NRXN3: variants seen among roughly 807,000 people sequenced by gnomAD.
NRXN3 encodes the protein neurexin III.
NRXN3 carries 32 observed loss-of-function variants against 137.6 expected under a neutral mutation model. The ratio of observed to expected loss-of-function variants is 0.23; its 90% CI spans 0.18 to 0.31. The LOEUF is 0.31. NRXN3 is among the 10% of genes least tolerant of loss of function. NRXN3 has a pLI of 1.00. For missense variants in NRXN3, 1,574 were observed against 2,062.5 expected (o/e 0.76, Z 4.59); for synonymous variants, 798 against 784.5 (o/e 1.02, Z -0.29).
intron 16 of NRXN3, among the ~76,000 whole-genome samples, chr14:79,563,592 C>T (rs887278094): frequency 1.3e-5 from 2 of 150,804 alleles, no homozygotes; most frequent in African/African-American, 4.9e-5. Flanking sequence ...CGTTACAGTG[C>T]ACTGTGTCAA....
At chr14:79,741,171 A>G (rs2098961872) in intron 19 of NRXN3, among the ~76,000 whole-genome samples, 1 of 152,114 alleles carries the variant, frequency 6.6e-6, no homozygotes, top group Non-Finnish European at 1.5e-5. Context: ...CCTGAGGCAA[A>G]TCATTTATCC....
chr14:78,190,541 A>G (rs1376374229), intron 1 of NRXN3, among the ~76,000 whole-genome samples: 3 of 152,234 alleles, frequency 2.0e-5, no homozygotes, highest in Admixed American at 6.5e-5. Context: ...CAGAATGACA[A>G]TGACAACCAG....
At chr14:79,320,851 T>C (rs2089882551) in intron 15 of NRXN3, among the ~76,000 whole-genome samples, 1 of 152,118 alleles carries the variant, frequency 6.6e-6, no homozygotes, top group Non-Finnish European at 1.5e-5. Flanking sequence ...ACTTTTTTTT[T>C]TTTTTTAACA....
intron 16 of NRXN3, among the ~76,000 whole-genome samples, chr14:79,579,501 C>G (rs942379487): frequency 1.3e-4 from 20 of 151,592 alleles, no homozygotes; most frequent in African/African-American, 4.8e-4. Context: ...ATAATATAAC[C>G]AGGAGCTCTC....
At chr14:79,017,796 G>A (rs1471687588) in intron 15 of NRXN3, among the ~76,000 whole-genome samples, 1 of 152,120 alleles carries the variant, frequency 6.6e-6, no homozygotes. Flanking sequence ...CTGAAACCCA[G>A]TCTGTGGGCC....
intron 17 of NRXN3, among the ~76,000 whole-genome samples, chr14:79,671,547 T>C (rs1314096576): frequency 2.0e-5 from 3 of 152,096 alleles, no homozygotes; most frequent in African/African-American, 7.2e-5. Flanking sequence ...TCTAGTGCCA[T>C]ATCTATGCAA....
chr14:78,701,942 G>A (rs973697984), intron 6 of NRXN3, among the ~76,000 whole-genome samples: 42 of 152,322 alleles, frequency 2.8e-4, no homozygotes, highest in Non-Finnish European at 5.0e-4. Flanking sequence ...ATGCGATGCA[G>A]CAGTTGGGAC....
chr14:78,734,847 G>C (rs2098534424), intron 8 of NRXN3, among the ~76,000 whole-genome samples: 2 of 152,170 alleles, frequency 1.3e-5, no homozygotes, highest in Admixed American at 1.3e-4. Context: ...GGGAGGAGAG[G>C]GAAGAGGAGA....
At chr14:79,036,396 G>A (rs10150011) in intron 15 of NRXN3, among the ~76,000 whole-genome samples, 57,985 of 151,614 alleles carry the variant, frequency 0.38, 11,632 homozygotes, top group Admixed American at 0.49. Context: ...TGGTGCTGGT[G>A]TATGTAGACT....
chr14:78,436,161 C>G (rs2094058428), intron 4 of NRXN3, among the ~76,000 whole-genome samples: 1 of 152,008 alleles, frequency 6.6e-6, no homozygotes, highest in African/African-American at 2.4e-5. Flanking sequence ...AGGTGGGCAG[C>G]AGGTAGAAGG....
intron 19 of NRXN3, among the ~76,000 whole-genome samples, chr14:79,743,519 C>G (rs912176578): frequency 7.2e-5 from 11 of 152,174 alleles, no homozygotes; most frequent in African/African-American, 1.4e-4. Context: ...CTTAACCCCC[C>G]ACCCCACAAC....
intron 15 of NRXN3, among the ~76,000 whole-genome samples, chr14:79,118,601 A>G (rs2054870812): frequency 6.6e-6 from 1 of 152,224 alleles, no homozygotes. Context: ...GCCCGCCCAC[A>G]GTAGACAAAC....
intron 15 of NRXN3, among the ~76,000 whole-genome samples, chr14:79,133,361 C>T (rs1410866284): frequency 1.3e-5 from 2 of 151,878 alleles, no homozygotes; most frequent in African/African-American, 4.8e-5. Context: ...TTTTTAAGGC[C>T]AGACCAGACT....
At chr14:79,099,422 A>C (rs2050887143) in intron 15 of NRXN3, among the ~76,000 whole-genome samples, 1 of 152,156 alleles carries the variant, frequency 6.6e-6, no homozygotes, top group South Asian at 2.1e-4. Context: ...CTGAGAGTCA[A>C]AAGGAGAGCT....
chr14:78,646,778 C>A (rs74922056), intron 5 of NRXN3, among the ~76,000 whole-genome samples: 4,952 of 152,218 alleles, frequency 0.033, 287 homozygotes, highest in African/African-American at 0.11. Flanking sequence ...GTTTTTCCTC[C>A]AAGGCCAAAG....
At chr14:78,384,949 A>G (rs1415776339) in intron 4 of NRXN3, among the ~76,000 whole-genome samples, 1 of 152,052 alleles carries the variant, frequency 6.6e-6, no homozygotes, top group East Asian at 1.9e-4. Context: ...ATTAAACTTT[A>G]TTTTCTTTCA....
intron 4 of NRXN3, among the ~76,000 whole-genome samples, chr14:78,350,489 C>T (rs1188603590): frequency 1.3e-4 from 20 of 151,686 alleles, no homozygotes; most frequent in East Asian, 5.8e-4. Flanking sequence ...GCAGGGTATG[C>T]GTGGGAGACA....
rs2099530253 is a variant in NRXN3 at position 78,996,441 on chromosome 14, T to C, written c.3262+8300T>C. 2.0e-5 allele frequency among the ~76,000 whole-genome samples: 3 copies of C among 152,214 alleles called. No individual in the cohort carries two copies. The South Asian group carries it at 6.2e-4, about 32-fold the overall frequency. ...GGACTGCCAATATCTTCTTAATGCC[T>C]CAGGGAAAGTTTCCTGATGAGAATT... On this transcript the variant is annotated intron_variant, in intron 15 of 20. Transcript: ENST00000335750.
rs567277376 is a variant in NRXN3, at chr14:78,204,729, A to G, written c.-704+34055A>G. Among the ~76,000 whole-genome samples, 210 of 152,338 alleles carry G rather than the reference A, an allele frequency of 1.4e-3. 2 individuals carry two copies. The highest frequency in any genetic ancestry group is 3.7e-4 in the Non-Finnish European group (25 of 68,018). ...GGCATAATTGTGCTTTTTCTCTTGT[A>G]TTTTCAAAAATTTCTAGCAGGCACA... is the stretch of plus-strand genomic sequence containing the variant. On this transcript the variant is annotated intron_variant, in intron 1 of 20. Coordinates refer to ENST00000335750, the MANE Select transcript of NRXN3 (RefSeq NM_001330195.2).
Sources: allele counts gnomAD v4.1 joint callset (sites outside exome capture counted in the v4.1 genomes callset), GRCh38; gene constraint gnomAD v4.1.1; transcripts MANE v1.5; gene names NCBI Gene and HGNC (gene_info 2026-07-23, HGNC 2026-07-21).